METTL8: variants seen among roughly 807,000 people sequenced by gnomAD.
METTL8 encodes methyltransferase 8, tRNA N3-cytidine, also known as tRNA N(3)-cytidine methyltransferase METTL8, mitochondrial.
Under a neutral mutation model 48.7 loss-of-function variants are expected in METTL8, and 32 were observed. The observed-to-expected ratio is 0.66, with a 90% CI of 0.50 to 0.88. METTL8 has a LOEUF of 0.88. Ranked by LOEUF, METTL8 falls within the 40% of genes least tolerant of loss-of-function variation. The pLI, the probability that METTL8 is intolerant of heterozygous loss-of-function variation, is 0.00. For synonymous variants in METTL8, 136 were observed against 157.1 expected, an observed-to-expected ratio of 0.87 and a Z score of 1.01; for missense variants, 464 against 474.4, an observed-to-expected ratio of 0.98 and a Z score of 0.20.
chr2:171,351,806 T>C (rs571379594), intron 3 of METTL8, among the ~76,000 whole-genome samples: 2 of 152,362 alleles, frequency 1.3e-5, no homozygotes, highest in South Asian at 4.1e-4. Context: ...TTTTTGCACA[T>C]TGATTTTGTA....
chr2:171,336,987 C>G (rs966560250), intron 5 of METTL8, among the ~76,000 whole-genome samples: 3 of 150,708 alleles, frequency 2.0e-5, no homozygotes, highest in African/African-American at 7.3e-5. Flanking sequence ...CCTGCCTCAG[C>G]TTCCCAAGTA....
intron 1 of METTL8, among the ~76,000 whole-genome samples, chr2:171,406,363 T>G (rs1690176026): frequency 6.6e-6 from 1 of 152,212 alleles, no homozygotes; most frequent in Non-Finnish European, 1.5e-5. Flanking sequence ...AAAGCTATAT[T>G]GGTCAGCTTG....
chr2:171,360,624 G>A, intron 2 of METTL8, 111 bp from the exon 3 acceptor site: 1 of 847,864 alleles, frequency 1.2e-6, no homozygotes, highest in Non-Finnish European at 1.8e-6. Context: ...ATATGATACA[G>A]ACTAATTCCA....
At chr2:171,379,570 A>G (rs538892259) in intron 2 of METTL8, among the ~76,000 whole-genome samples, 2 of 152,322 alleles carry the variant, frequency 1.3e-5, no homozygotes, top group Admixed American at 1.3e-4. Context: ...GATAAAGGGG[A>G]TATCACCACT....
Position 171,321,205 on chromosome 2 carries a change from T to C in METTL8, c.*2967A>G, listed in dbSNP as rs2105374722. The C allele has an allele frequency of 6.6e-6, 1 of 152,324 alleles. No homozygotes were observed. The allele number at this position is 152,324 out of a possible 1,614,324, so 9.4% of individuals were successfully genotyped here. On this transcript the variant is annotated 3_prime_UTR_variant, in exon 10 of 10. Coordinates refer to ENST00000375258, the MANE Select transcript of METTL8 (RefSeq NM_001321154.2). ...ATGTGTTGGCTGTGACTGGACAGCATCCCTCCCCTGGTGTTTTTTGACAGC... is the reference window on the plus strand; with the variant it reads ...ATGTGTTGGCTGTGACTGGACAGCACCCCTCCCCTGGTGTTTTTTGACAGC...
intron 1 of METTL8, among the ~76,000 whole-genome samples, chr2:171,413,358 T>C (rs181053990): frequency 9.9e-4 from 150 of 152,262 alleles, no homozygotes; most frequent in African/African-American, 3.3e-3. Context: ...GAACAACATA[T>C]CACAACAGAC....
Position 171,318,695 on chromosome 2 carries a change from G to C in METTL8, c.*5477C>G, listed in dbSNP as rs1684379829. ...ACAAGTGTAACCTACTTATTTGCTA[G>C]AATGATTGGATCTAGAATGAGCCAT... is the stretch of plus-strand genomic sequence containing the variant. On this transcript the variant is annotated 3_prime_UTR_variant, in exon 10 of 10. Coordinates refer to ENST00000375258, the MANE Select transcript of METTL8 (RefSeq NM_001321154.2). 6.6e-6 allele frequency: 1 copy of C among 151,982 alleles called. No individual in the cohort carries two copies. Among genetic ancestry groups the C allele is most frequent in the South Asian group, 2.1e-4 (1 of 4,822 alleles). 9.4% of individuals were successfully genotyped at this position (151,982 alleles called of 1,614,324 possible).
At chr2:171,418,337 C>T (rs1235834760) in intron 1 of METTL8, among the ~76,000 whole-genome samples, 1 of 152,052 alleles carries the variant, frequency 6.6e-6, no homozygotes, top group Non-Finnish European at 1.5e-5. Flanking sequence ...GTATACTAGT[C>T]GGGGTTTAAC....
At chr2:171,406,808 T>C (rs1163280558) in intron 1 of METTL8, among the ~76,000 whole-genome samples, 3 of 151,764 alleles carry the variant, frequency 2.0e-5, no homozygotes, top group East Asian at 1.9e-4. Context: ...GCAAGAAAAC[T>C]AGGAAGCTAA....
At chr2:171,421,405 T>C (rs764166712) in intron 1 of METTL8, among the ~76,000 whole-genome samples, 1 of 151,746 alleles carries the variant, frequency 6.6e-6, no homozygotes, top group Non-Finnish European at 1.5e-5. Context: ...CACATGTGAA[T>C]AGCCACTGCA....
intron 2 of METTL8, among the ~76,000 whole-genome samples, chr2:171,389,788 T>C (rs1478927841): frequency 2.0e-5 from 3 of 152,148 alleles, no homozygotes; most frequent in African/African-American, 4.8e-5. Flanking sequence ...GACATCTCCA[T>C]AGCATAAAAG....
chr2:171,390,579 A>G (rs1688492635), intron 2 of METTL8, among the ~76,000 whole-genome samples: 1 of 152,182 alleles, frequency 6.6e-6, no homozygotes, highest in South Asian at 2.1e-4. Flanking sequence ...ATTCTAATGG[A>G]TGATAAGGGG....
intron 3 of METTL8, among the ~76,000 whole-genome samples, chr2:171,345,542 C>G (rs929750115): frequency 6.6e-6 from 1 of 152,128 alleles, no homozygotes; most frequent in African/African-American, 2.4e-5. Context: ...AAATTTTAAA[C>G]AAGCAAAGCC....
At chr2:171,327,626 C>G (rs1003956242) in intron 7 of METTL8, among the ~76,000 whole-genome samples, 12 of 151,926 alleles carry the variant, frequency 7.9e-5, no homozygotes, top group Non-Finnish European at 1.6e-4. Context: ...ATGAAGGAAG[C>G]AGATACTGAG....
intron 2 of METTL8, among the ~76,000 whole-genome samples, chr2:171,391,825 C>CTAAAAGCA (rs1346196203): frequency 6.6e-6 from 1 of 152,128 alleles, no homozygotes; most frequent in Admixed American, 6.5e-5. Flanking sequence ...TCCAAGGCTA[C>CTAAAAGCA]TAAAAGCATA....
intron 1 of METTL8, among the ~76,000 whole-genome samples, chr2:171,430,967 A>T (rs924879715): frequency 1.3e-5 from 2 of 152,058 alleles, no homozygotes; most frequent in Admixed American, 1.3e-4. Flanking sequence ...ACCAATCAGC[A>T]TGCACTTCCC....
intron 2 of METTL8, among the ~76,000 whole-genome samples, chr2:171,371,546 G>A (rs1686341306): frequency 6.6e-6 from 1 of 151,818 alleles, no homozygotes; most frequent in African/African-American, 2.4e-5. Context: ...TAGTAGAGAT[G>A]ACGTTTCACC....
intron 1 of METTL8, among the ~76,000 whole-genome samples, chr2:171,427,550 T>C (rs1280349715): frequency 6.6e-6 from 1 of 152,196 alleles, no homozygotes; most frequent in African/African-American, 2.4e-5. Context: ...CTTCTTATTA[T>C]AAGCCTTAGG....
chr2:171,356,001 G>A (rs1018428806), intron 3 of METTL8, among the ~76,000 whole-genome samples: 3 of 152,154 alleles, frequency 2.0e-5, no homozygotes, highest in South Asian at 4.1e-4. Flanking sequence ...ACAAGCCCCA[G>A]TGAGATGAAC....
Sources: gnomAD v4.1 joint callset for allele counts (sites outside exome capture counted in the v4.1 genomes callset) on GRCh38, gnomAD v4.1.1 for gene constraint, MANE v1.5 for transcripts, NCBI Gene and HGNC (gene_info 2026-07-23, HGNC 2026-07-21) for gene names.